CDH12: variants seen among roughly 807,000 people sequenced by gnomAD.
CDH12 encodes the protein cadherin-12.
Under a neutral mutation model 74.1 loss-of-function variants are expected in CDH12, and 41 were observed. The observed-to-expected ratio is 0.55, with a 90% CI of 0.43 to 0.72. CDH12 has a LOEUF of 0.72. CDH12 is among the 30% of genes least tolerant of loss of function. The pLI, the probability that CDH12 is intolerant of heterozygous loss-of-function variation, is 0.00. For synonymous variants in CDH12, 399 were observed against 355.0 expected (o/e 1.12, Z -1.39); for missense variants, 945 against 977.2 (o/e 0.97, Z 0.44).
intron 2 of CDH12, among the ~76,000 whole-genome samples, chr5:22,498,620 A>G (rs1055092455): frequency 6.6e-6 from 1 of 151,922 alleles, no homozygotes; most frequent in Non-Finnish European, 1.5e-5. Flanking sequence ...GAAATACAAA[A>G]GCATTTAAGA....
chr5:22,832,294 G>A (rs1273414608), intron 1 of CDH12, among the ~76,000 whole-genome samples: 2 of 152,132 alleles, frequency 1.3e-5, no homozygotes, highest in Non-Finnish European at 2.9e-5. Context: ...ACTTAGTATA[G>A]TACCTTACAT....
chr5:21,788,592 T>C (rs1293642743), intron 10 of CDH12, among the ~76,000 whole-genome samples: 2 of 152,160 alleles, frequency 1.3e-5, no homozygotes, highest in Non-Finnish European at 2.9e-5. Flanking sequence ...GTTTTTAATA[T>C]ATTTTTAATA....
intron 3 of CDH12, among the ~76,000 whole-genome samples, chr5:22,282,050 T>C (rs1446825888): frequency 1.3e-5 from 2 of 151,142 alleles, no homozygotes; most frequent in Non-Finnish European, 3.0e-5. Flanking sequence ...AAAACAGATA[T>C]GTAGACCAAT....
intron 4 of CDH12, among the ~76,000 whole-genome samples, chr5:22,204,176 GT>G (rs1172824728): frequency 5.8e-4 from 81 of 139,712 alleles, no homozygotes; most frequent in Non-Finnish European, 9.3e-4. Context: ...TTTTTTTTTT[GT>G]TTTTTGTTTT....
intron 5 of CDH12, among the ~76,000 whole-genome samples, chr5:22,029,874 C>T (rs1304379617): frequency 1.3e-5 from 2 of 151,602 alleles, no homozygotes; most frequent in Non-Finnish European, 2.9e-5. Flanking sequence ...AAATGTCCAA[C>T]AATGATAGAC....
chr5:22,149,273 G>A (rs1469379223), intron 4 of CDH12, among the ~76,000 whole-genome samples: 3 of 152,140 alleles, frequency 2.0e-5, no homozygotes, highest in Admixed American at 6.5e-5. Flanking sequence ...ATATATTCTT[G>A]AGGGACACAA....
chr5:21,865,196 G>C (rs1254065053), intron 6 of CDH12, among the ~76,000 whole-genome samples: 1 of 152,138 alleles, frequency 6.6e-6, no homozygotes. Flanking sequence ...GTGCTGCATG[G>C]CTTCTTTAAG....
chr5:22,161,537 A>C (rs544437487), intron 4 of CDH12, among the ~76,000 whole-genome samples: 57 of 151,448 alleles, frequency 3.8e-4, no homozygotes, highest in African/African-American at 1.1e-3. Flanking sequence ...TCTGTATCAT[A>C]ATAATAATAA....
At chr5:22,747,636 A>T (rs1745364381) in intron 1 of CDH12, among the ~76,000 whole-genome samples, 1 of 148,860 alleles carries the variant, frequency 6.7e-6, no homozygotes, top group Admixed American at 6.7e-5. Context: ...AGAAGAAAAG[A>T]AAAAAAAGTA....
chr5:21,821,177 G>T (rs1397831610), intron 8 of CDH12, among the ~76,000 whole-genome samples: 1 of 151,788 alleles, frequency 6.6e-6, no homozygotes, highest in Non-Finnish European at 1.5e-5. Context: ...GACTTAAACT[G>T]TGTGTCGGGC....
At chr5:22,433,742 G>T (rs1744266535) in intron 2 of CDH12, among the ~76,000 whole-genome samples, 1 of 152,150 alleles carries the variant, frequency 6.6e-6, no homozygotes, top group African/African-American at 2.4e-5. Flanking sequence ...CTTACAAGCT[G>T]TTTAGGAATT....
chr5:22,272,467 G>T (rs1402414717), intron 3 of CDH12, among the ~76,000 whole-genome samples: 1 of 152,056 alleles, frequency 6.6e-6, no homozygotes, highest in Non-Finnish European at 1.5e-5. Context: ...CTTTTAATAT[G>T]CTTTAAGGAA....
chr5:22,194,723 G>T (rs1750524890), intron 4 of CDH12, among the ~76,000 whole-genome samples: 2 of 152,196 alleles, frequency 1.3e-5, no homozygotes, highest in African/African-American at 4.8e-5. Context: ...GGTTCAAGTT[G>T]TAAGTAAAAA....
intron 1 of CDH12, among the ~76,000 whole-genome samples, chr5:22,652,784 G>C (rs944685180): frequency 6.6e-6 from 1 of 152,028 alleles, no homozygotes; most frequent in Non-Finnish European, 1.5e-5. Context: ...TTCTTCAGAG[G>C]GGAAAAAGGA....
At chr5:22,568,505 T>C (rs1739395708) in intron 1 of CDH12, among the ~76,000 whole-genome samples, 3 of 152,160 alleles carry the variant, frequency 2.0e-5, no homozygotes, top group South Asian at 2.1e-4. Context: ...ATCTGTTAAA[T>C]AGCAAACACA....
chr5:22,354,609 C>A (rs1354645623), intron 3 of CDH12, among the ~76,000 whole-genome samples: 3 of 152,118 alleles, frequency 2.0e-5, no homozygotes, highest in Non-Finnish European at 2.9e-5. Context: ...ACTGGAGGAT[C>A]TGCTGGGGAG....
At position 21,783,345 on chromosome 5, in the gene CDH12, A is replaced by C; in HGVS notation, c.1393+13T>G. On this transcript the variant is annotated intron_variant, in intron 11 of 14. Transcript: ENST00000382254. ...CTGCAGTATAACATTGATTCTGTCC[A>C]TGCCATACTTACTAACTTTACTCGC... The C allele has an allele frequency of 6.2e-7, 1 of 1,610,690 alleles. No homozygotes were observed. The highest frequency in any genetic ancestry group is 8.5e-7 in the Non-Finnish European group (1 of 1,177,544).
In CDH12 at chr5:22,471,296, C is replaced by T. The variant is rs189668610; in HGVS notation, c.-428+33974G>A. 3.5e-3 allele frequency among the ~76,000 whole-genome samples: 531 copies of T among 152,224 alleles called. 4 individuals are homozygous for T. Among genetic ancestry groups the T allele is most frequent in the African/African-American group, 0.013 (520 of 41,534 alleles). On this transcript the variant is annotated intron_variant, in intron 2 of 14. Transcript: ENST00000382254. ...TTTGTATGTATATGCATTTCTGCAC[C>T]TTGCTTCCTATTAAGATTTTTCATT...
intron 1 of CDH12, among the ~76,000 whole-genome samples, chr5:22,741,721 C>T (rs910701114): frequency 1.3e-5 from 2 of 152,144 alleles, no homozygotes; most frequent in African/African-American, 2.4e-5. Context: ...AGCATTCTTC[C>T]TTCTATACTA....
Sources: allele counts gnomAD v4.1 joint callset (sites outside exome capture counted in the v4.1 genomes callset), GRCh38; gene constraint gnomAD v4.1.1; transcripts MANE v1.5; gene names NCBI Gene and HGNC (gene_info 2026-07-23, HGNC 2026-07-21).